TTC28: variants seen among roughly 807,000 people sequenced by gnomAD.
The protein encoded by TTC28 is tetratricopeptide repeat domain 28, also known as tetratricopeptide repeat protein 28.
In TTC28, 61 loss-of-function variants were observed where a neutral mutation model predicts 198.0. The observed-to-expected ratio is 0.31, with a 90% CI of 0.25 to 0.38. TTC28 has a LOEUF of 0.38. Among genes scored for constraint, TTC28 ranks in the 10% least tolerant of loss-of-function variants. The pLI is 1.00. For synonymous variants in TTC28, 1,171 were observed against 1,297.8 expected (o/e 0.90, Z 2.10); for missense variants, 2,678 against 3,164.0 (o/e 0.85, Z 3.69).
intron 6 of TTC28, among the ~76,000 whole-genome samples, chr22:28,143,453 T>A (rs971503533): frequency 1.3e-5 from 2 of 152,222 alleles, no homozygotes; most frequent in Non-Finnish European, 2.9e-5. Flanking sequence ...ACTCTTTCTT[T>A]TCAATTATAA....
intron 1 of TTC28, among the ~76,000 whole-genome samples, chr22:28,659,422 C>A (rs1310325618): frequency 6.6e-6 from 1 of 152,106 alleles, no homozygotes; most frequent in Non-Finnish European, 1.5e-5. Flanking sequence ...GTTCATGCCA[C>A]CACGTCCAGC....
chr22:28,123,215 C>G (rs1486005106), intron 6 of TTC28, among the ~76,000 whole-genome samples: 1 of 152,058 alleles, frequency 6.6e-6, no homozygotes, highest in Non-Finnish European at 1.5e-5. Context: ...CTGTATTCTA[C>G]TGATTCAGTT....
chr22:28,024,482 C>T (rs1286116052), intron 13 of TTC28, among the ~76,000 whole-genome samples: 1 of 152,178 alleles, frequency 6.6e-6, no homozygotes, highest in African/African-American at 2.4e-5. Context: ...CCAAGCTCCA[C>T]ACTTCCACCC....
intron 2 of TTC28, among the ~76,000 whole-genome samples, chr22:28,591,308 T>C (rs1322376525): frequency 6.6e-6 from 1 of 151,216 alleles, no homozygotes; most frequent in Non-Finnish European, 1.5e-5. Context: ...AGACAGGGTA[T>C]TGCTATGTTC....
At chr22:28,101,082 G>T in intron 9 of TTC28, 89 bp downstream of exon 9, 1 of 952,322 alleles carries the variant, frequency 1.1e-6, no homozygotes, top group Non-Finnish European at 1.6e-6. Flanking sequence ...AGTGCCTCTT[G>T]TAAATGCCAT....
At chr22:28,095,263 C>T (rs1046940866) in intron 11 of TTC28, among the ~76,000 whole-genome samples, 1 of 151,946 alleles carries the variant, frequency 6.6e-6, no homozygotes, top group East Asian at 1.9e-4. Context: ...CCATAAAGAA[C>T]ATGGAACTAA....
intron 14 of TTC28, chr22:28,007,878 T>C (rs1172323752): frequency 1.3e-5 from 2 of 152,234 alleles, no homozygotes; most frequent in African/African-American, 4.8e-5. Flanking sequence ...TTGCAAGTAA[T>C]TGCCTCCATT....
chr22:28,101,719 G>A (rs1282149008), intron 8 of TTC28, among the ~76,000 whole-genome samples: 1 of 140,416 alleles, frequency 7.1e-6, no homozygotes, highest in African/African-American at 2.7e-5. Context: ...GCTGAGGCAG[G>A]AGGACTGCTT....
intron 13 of TTC28, among the ~76,000 whole-genome samples, chr22:28,020,817 C>G (rs1018491397): frequency 6.6e-6 from 1 of 151,896 alleles, no homozygotes; most frequent in Non-Finnish European, 1.5e-5. Flanking sequence ...ACACACAGAG[C>G]TTTCTCAGGC....
chr22:28,316,737 T>C (rs936446827), intron 2 of TTC28, among the ~76,000 whole-genome samples: 7 of 152,192 alleles, frequency 4.6e-5, no homozygotes, highest in Admixed American at 1.3e-4. Flanking sequence ...CAGTTGTTCC[T>C]TGCCAGTATG....
chr22:28,611,752 T>C (rs1190373789), intron 2 of TTC28, among the ~76,000 whole-genome samples: 1 of 147,618 alleles, frequency 6.8e-6, no homozygotes, highest in Non-Finnish European at 1.5e-5. Context: ...AGTGAGAATA[T>C]GCGGTGTTTG....
chr22:28,178,120 A>G (rs1315041960), intron 5 of TTC28, among the ~76,000 whole-genome samples: 1 of 152,084 alleles, frequency 6.6e-6, no homozygotes, highest in Non-Finnish European at 1.5e-5. Context: ...GAAACTCTAT[A>G]CTATTTGTTT....
intron 14 of TTC28, 176 bp from the exon 15 acceptor site, chr22:28,001,729 C>G: frequency 1.5e-6 from 1 of 688,440 alleles, no homozygotes; most frequent in African/African-American, 1.8e-5. Context: ...GCGGCACCAA[C>G]TGGCATGCTC....
chr22:28,542,298 C>T (rs895461687), intron 2 of TTC28, among the ~76,000 whole-genome samples: 4 of 151,986 alleles, frequency 2.6e-5, no homozygotes, highest in Non-Finnish European at 5.9e-5. Context: ...AAAAATAGAG[C>T]ATCAGCGGCC....
intron 2 of TTC28, among the ~76,000 whole-genome samples, chr22:28,579,271 A>G (rs2050197293): frequency 6.7e-6 from 1 of 150,108 alleles, no homozygotes; most frequent in Non-Finnish European, 1.5e-5. Flanking sequence ...ATAGCTATAT[A>G]CGTATATAAC....
chr22:28,588,227 G>T (rs967864911), intron 2 of TTC28, among the ~76,000 whole-genome samples: 1 of 151,696 alleles, frequency 6.6e-6, no homozygotes, highest in East Asian at 1.9e-4. Flanking sequence ...TATATATAAA[G>T]CTGTAAACTT....
chr22:28,539,060 A>G (rs2049356616), intron 2 of TTC28, among the ~76,000 whole-genome samples: 1 of 152,190 alleles, frequency 6.6e-6, no homozygotes. Flanking sequence ...TGCCAGATAG[A>G]CTGCCTGTTG....
chr22:28,211,061 C>T (rs1344891506), intron 5 of TTC28, among the ~76,000 whole-genome samples: 5 of 152,074 alleles, frequency 3.3e-5, no homozygotes, highest in African/African-American at 1.2e-4. Flanking sequence ...GAAATAAAAT[C>T]CTTTACAGAC....
intron 12 of TTC28, among the ~76,000 whole-genome samples, chr22:28,073,635 T>C (rs1475838313): frequency 1.3e-5 from 2 of 152,212 alleles, no homozygotes; most frequent in African/African-American, 2.4e-5. Flanking sequence ...AACTGGATCA[T>C]TGTTCAACAC....
Sources: allele counts gnomAD v4.1 joint callset (sites outside exome capture counted in the v4.1 genomes callset), GRCh38; gene constraint gnomAD v4.1.1; transcripts MANE v1.5; gene names NCBI Gene and HGNC (gene_info 2026-07-23, HGNC 2026-07-21).